The following ALDH1A2 variants were observed in gnomAD, a reference collection of about 807,000 sequenced individuals.
ALDH1A2 encodes the protein retinal dehydrogenase 2.
Under a neutral mutation model 60.3 loss-of-function variants are expected in ALDH1A2, and 27 were observed. The observed-to-expected ratio is 0.45, with a 90% CI of 0.33 to 0.62. The LOEUF is 0.62. ALDH1A2 is among the 20% of genes least tolerant of loss of function. ALDH1A2 has a pLI of 0.02. For missense variants in ALDH1A2, 581 were observed against 643.8 expected, an observed-to-expected ratio of 0.90 and a Z score of 1.06; for synonymous variants, 289 against 232.4, an observed-to-expected ratio of 1.24 and a Z score of -2.21.
intron 7 of ALDH1A2, among the ~76,000 whole-genome samples, chr15:57,981,942 C>T (rs1466754379): frequency 6.6e-6 from 1 of 152,062 alleles, no homozygotes; most frequent in Non-Finnish European, 1.5e-5. Context: ...GTTGAGAGAC[C>T]CACATGTGGT....
At chr15:57,976,751 A>G (rs2140468431) in intron 7 of ALDH1A2, among the ~76,000 whole-genome samples, 2 of 152,328 alleles carry the variant, frequency 1.3e-5, no homozygotes, top group East Asian at 1.9e-4. Context: ...TTATGGAAGA[A>G]TGACTTATAA....
intron 1 of ALDH1A2, among the ~76,000 whole-genome samples, chr15:58,029,225 C>G (rs901159499): frequency 6.6e-6 from 1 of 152,118 alleles, no homozygotes; most frequent in Non-Finnish European, 1.5e-5. Flanking sequence ...CAAATTAGAA[C>G]TCAGGGTAAG....
chr15:57,980,904 C>T (rs1234491829), intron 7 of ALDH1A2, among the ~76,000 whole-genome samples: 3 of 152,102 alleles, frequency 2.0e-5, no homozygotes, highest in East Asian at 3.9e-4. Context: ...GCTGTGAATC[C>T]GTCTGGTCCT....
At chr15:57,965,700 T>C (rs776445440) in intron 8 of ALDH1A2, 25 bp downstream of exon 8, 19 of 1,531,250 alleles carry the variant, frequency 1.2e-5, no homozygotes, top group Middle Eastern at 1.7e-4. Context: ...TGGTGGTTCA[T>C]GTATGGGACC....
At chr15:58,008,224 T>C (rs1428227277) in intron 4 of ALDH1A2, among the ~76,000 whole-genome samples, 1 of 152,088 alleles carries the variant, frequency 6.6e-6, no homozygotes, top group Non-Finnish European at 1.5e-5. Context: ...TGACTCTAAA[T>C]GCACTTTCAG....
chr15:57,959,994 T>G (rs1357737139), intron 12 of ALDH1A2, among the ~76,000 whole-genome samples: 2 of 152,092 alleles, frequency 1.3e-5, no homozygotes, highest in Non-Finnish European at 2.9e-5. Flanking sequence ...TATTCCCCCT[T>G]CTCTATCCAA....
At chr15:57,972,613 T>C (rs535321672) in intron 7 of ALDH1A2, among the ~76,000 whole-genome samples, 15 of 152,248 alleles carry the variant, frequency 9.9e-5, no homozygotes, top group South Asian at 4.2e-4. Flanking sequence ...GAATAAATCA[T>C]GGAATCTCAT....
Position 57,965,875 on chromosome 15 carries a change from A to T in ALDH1A2, c.799-48T>A, listed in dbSNP as rs561114376. 55 of 1,456,974 alleles carry T rather than the reference A, an allele frequency of 3.8e-5. 1 individual carries two copies. The South Asian group carries it at 6.0e-4, about 16-fold the overall frequency. The allele number at this position is 1,456,974 out of a possible 1,614,324, so 90.3% of individuals were successfully genotyped here. On this transcript the variant is annotated intron_variant, in intron 7 of 12. Coordinates refer to ENST00000249750, the MANE Select transcript of ALDH1A2 (RefSeq NM_003888.4). ...AGGTTTTGCAAATCCTGCAGGTGAG[A>T]CAGTCACCGGCCAATGCCAGCTCAG...
chr15:58,057,882 G>A (rs1896936143), intron 1 of ALDH1A2: 1 of 357,390 alleles, frequency 2.8e-6, no homozygotes, highest in Admixed American at 4.8e-5. Flanking sequence ...GGAGGCACAA[G>A]AGTAGCTCTG....
At chr15:57,964,191 A>ATT in intron 8 of ALDH1A2, 122 bp from the exon 9 acceptor site, 1 of 1,023,506 alleles carries the variant, frequency 9.8e-7, no homozygotes, top group Non-Finnish European at 1.5e-6. Flanking sequence ...CATAACCATG[A>ATT]ATAGCCCTGG....
intron 4 of ALDH1A2, among the ~76,000 whole-genome samples, chr15:58,010,052 T>C (rs1895579818): frequency 6.6e-6 from 1 of 152,182 alleles, no homozygotes; most frequent in South Asian, 2.1e-4. Context: ...TTTAAGTTTT[T>C]TGTATTGTTG....
Position 58,010,710 on chromosome 15 carries a change from G to C in ALDH1A2, c.432C>G (p.Ile144Met), listed in dbSNP as rs1391591390. The C allele has an allele frequency of 1.9e-6, 3 of 1,613,462 alleles. No individual in the cohort carries two copies. Among genetic ancestry groups the C allele is most frequent in the Non-Finnish European group, 2.5e-6 (3 of 1,179,614 alleles). ...QAFYVDLQGV[I>M]KTFRYYAGWA... ...AGCCTGCGTAATATCGAAAGGTTTT[G>C]ATGACGCCCTGCAAATCCACATAAA... The change falls in exon 4 of 13, where the codon ATC (isoleucine) becomes ATG (methionine). Residue 144 changes from isoleucine to methionine, a missense_variant. Coordinates refer to ENST00000249750, the MANE Select transcript of ALDH1A2 (RefSeq NM_003888.4).
At chr15:57,979,252 C>A (rs2140472140) in intron 7 of ALDH1A2, among the ~76,000 whole-genome samples, 1 of 152,250 alleles carries the variant, frequency 6.6e-6, no homozygotes, top group Admixed American at 6.5e-5. Context: ...TTTCCCAGCA[C>A]CCTCTCCACT....
intron 1 of ALDH1A2, among the ~76,000 whole-genome samples, chr15:58,035,149 T>G (rs2899611): frequency 0.41 from 61,830 of 151,374 alleles, 13,518 homozygotes; most frequent in Non-Finnish European, 0.5. Flanking sequence ...TACAGGCCTA[T>G]TCATACATAT....
chr15:57,956,259 C>T (rs1368138566), intron 12 of ALDH1A2, among the ~76,000 whole-genome samples: 1 of 152,160 alleles, frequency 6.6e-6, no homozygotes, highest in Non-Finnish European at 1.5e-5. Context: ...ATTCCCTCTT[C>T]CCAAGTTCTA....
At chr15:57,993,723 T>G (rs1164858151) in intron 5 of ALDH1A2, among the ~76,000 whole-genome samples, 6 of 152,194 alleles carry the variant, frequency 3.9e-5, no homozygotes, top group East Asian at 1.9e-4. Context: ...TAAACTGATT[T>G]TAAAAAGATA....
chr15:58,023,967 C>A (rs1020193853), intron 1 of ALDH1A2, among the ~76,000 whole-genome samples: 1 of 152,160 alleles, frequency 6.6e-6, no homozygotes, highest in Non-Finnish European at 1.5e-5. Context: ...GTGGCACATG[C>A]CTGTAATCTC....
intron 12 of ALDH1A2, among the ~76,000 whole-genome samples, chr15:57,956,358 C>A (rs34185692): frequency 6.6e-6 from 1 of 152,216 alleles, no homozygotes; most frequent in Non-Finnish European, 1.5e-5. Context: ...TTAAGAAAGG[C>A]TGTCTTTTGA....
intron 7 of ALDH1A2, among the ~76,000 whole-genome samples, chr15:57,984,770 C>T (rs945368181): frequency 7.9e-5 from 12 of 152,126 alleles, no homozygotes; most frequent in Non-Finnish European, 1.6e-4. Context: ...ATTTAATGGA[C>T]ATTTGAGTTG....
Sources: gnomAD v4.1 joint callset for allele counts (sites outside exome capture counted in the v4.1 genomes callset) on GRCh38, gnomAD v4.1.1 for gene constraint, MANE v1.5 for transcripts, NCBI Gene and HGNC (gene_info 2026-07-23, HGNC 2026-07-21) for gene names.